CAPZB: variants seen among roughly 807,000 people sequenced by gnomAD.
The protein encoded by CAPZB is F-actin-capping protein subunit beta.
CAPZB carries 2 observed loss-of-function variants against 38.1 expected under a neutral mutation model. The ratio of observed to expected loss-of-function variants is 0.05; its 90% CI spans 0.02 to 0.17. CAPZB has a LOEUF of 0.17. Among genes scored for constraint, CAPZB ranks in the 10% least tolerant of loss-of-function variants. The pLI, the probability that CAPZB is intolerant of heterozygous loss-of-function variation, is 1.00. For synonymous variants in CAPZB, 107 were observed against 127.4 expected (o/e 0.84, Z 1.08); for missense variants, 161 against 334.2 (o/e 0.48, Z 4.04).
At chr1:19,466,566 G>A (rs758126342) in intron 1 of CAPZB, among the ~76,000 whole-genome samples, 1 of 152,138 alleles carries the variant, frequency 6.6e-6, no homozygotes, top group African/African-American at 2.4e-5. Context: ...AGGGACCCTG[G>A]TGCTCACATG....
At position 19,416,860 on chromosome 1, in the gene CAPZB, C is replaced by CAAAAAAAAAAAAAAAAA. The variant is rs59789230; in HGVS notation, c.93+2784_93+2800dup. ...TGGGTGACAGAGCAAGACCCTGTCT[C>CAAAAAAAAAAAAAAAAA]AAAAAAAAAAAAAAAAAAAAAAAAA... On this transcript the variant is annotated intron_variant, in intron 2 of 8. Transcript: ENST00000264202. Among the ~76,000 whole-genome samples the CAAAAAAAAAAAAAAAAA allele has an allele frequency of 2.3e-4, 16 of 69,440 alleles. 1 individual carries two copies. Among genetic ancestry groups the CAAAAAAAAAAAAAAAAA allele is most frequent in the African/African-American group, 8.9e-4 (15 of 16,802 alleles). The allele number at this position is 69,440 out of a possible 152,430, so 45.6% of individuals were successfully genotyped here.
intron 1 of CAPZB, among the ~76,000 whole-genome samples, chr1:19,465,441 T>G (rs931592663): frequency 7.2e-5 from 11 of 152,218 alleles, no homozygotes; most frequent in African/African-American, 2.7e-4. Flanking sequence ...ATTTCTGTTG[T>G]GTACAAATTA....
chr1:19,393,493 C>T (rs552432475), intron 2 of CAPZB, among the ~76,000 whole-genome samples: 3 of 152,370 alleles, frequency 2.0e-5, no homozygotes, highest in South Asian at 2.1e-4. Context: ...AACCCAGGCA[C>T]GGGGAAGCTG....
rs1198804929 is a variant in CAPZB at position 19,449,799 on chromosome 1, AAG to A, written c.4-30051_4-30050del. On this transcript the variant is annotated intron_variant, in intron 1 of 8. Coordinates refer to ENST00000264202, the MANE Select transcript of CAPZB (RefSeq NM_004930.5). ...AGTCTGTCTCAAAAAAAAAAAAAAA[AAG>A]AGAGAGACAGAGAGAAAGAAAGAAA... 1.2e-3 allele frequency among the ~76,000 whole-genome samples: 180 copies of A among 150,542 alleles called. 2 individuals carry two copies. Among genetic ancestry groups the A allele is most frequent in the Middle Eastern group, 6.8e-3 (2 of 294 alleles).
chr1:19,430,092 T>C (rs1192051221), intron 1 of CAPZB, among the ~76,000 whole-genome samples: 2 of 152,140 alleles, frequency 1.3e-5, no homozygotes, highest in Admixed American at 6.5e-5. Flanking sequence ...TATTTGAACC[T>C]TCTCCCTATT....
Position 19,448,855 on chromosome 1 carries a change from T to A in CAPZB, c.4-29105A>T, listed in dbSNP as rs1254853383. ...TCACCTTTCTAGGTTCTGGGTCACA[T>A]CTTCTGGGCTGGCCAAGGCCTGGGC... On this transcript the variant is annotated intron_variant, in intron 1 of 8. Coordinates refer to ENST00000264202, the MANE Select transcript of CAPZB (RefSeq NM_004930.5). 4 of 1,612,778 alleles carry A rather than the reference T, an allele frequency of 2.5e-6. No homozygotes were observed. The African/African-American group carries it at 4.0e-5, about 16-fold the overall frequency.
chr1:19,429,821 G>C (rs2100571104), intron 1 of CAPZB, among the ~76,000 whole-genome samples: 1 of 152,218 alleles, frequency 6.6e-6, no homozygotes, highest in East Asian at 1.9e-4. Context: ...ACCCACAAAG[G>C]AGGGCAGGCT....
intron 1 of CAPZB, among the ~76,000 whole-genome samples, chr1:19,420,988 T>C (rs1213528958): frequency 1.3e-5 from 2 of 152,040 alleles, no homozygotes; most frequent in African/African-American, 4.8e-5. Flanking sequence ...GTGAGAAAGG[T>C]GGGCCAGGTA....
chr1:19,341,098 G>A (rs2093925838), intron 8 of CAPZB, among the ~76,000 whole-genome samples: 1 of 152,224 alleles, frequency 6.6e-6, no homozygotes, highest in African/African-American at 2.4e-5. Context: ...CTCAGCAGGT[G>A]CCATAAGACA....
At chr1:19,355,622 C>T (rs939365727) in intron 6 of CAPZB, among the ~76,000 whole-genome samples, 1 of 152,204 alleles carries the variant, frequency 6.6e-6, no homozygotes, top group African/African-American at 2.4e-5. Context: ...TCACAGTGGA[C>T]AGTCAGGGAC....
intron 1 of CAPZB, among the ~76,000 whole-genome samples, chr1:19,479,081 G>A (rs2094618176): frequency 6.6e-6 from 1 of 152,076 alleles, no homozygotes. Context: ...ATGGTGGTAC[G>A]CACCTGTAGT....
At chr1:19,458,712 C>T (rs2094541044) in intron 1 of CAPZB, among the ~76,000 whole-genome samples, 1 of 152,200 alleles carries the variant, frequency 6.6e-6, no homozygotes, top group South Asian at 2.1e-4. Flanking sequence ...CTCTGCGCTA[C>T]CACCCCTCTT....
intron 1 of CAPZB, among the ~76,000 whole-genome samples, chr1:19,464,400 T>A (rs1451920227): frequency 6.7e-6 from 1 of 149,416 alleles, no homozygotes; most frequent in Admixed American, 6.7e-5. Flanking sequence ...CACGCCATTC[T>A]CCTGCCTCAG....
intron 1 of CAPZB, among the ~76,000 whole-genome samples, chr1:19,467,743 G>A (rs1000631273): frequency 2.6e-5 from 4 of 152,138 alleles, no homozygotes; most frequent in East Asian, 1.9e-4. Context: ...GAGGGCCCCC[G>A]AAAGCCTCCC....
rs570558887 is a variant in CAPZB at position 19,406,137 on chromosome 1, C to T, written c.93+13524G>A. On this transcript the variant is annotated intron_variant, in intron 2 of 8. Transcript: ENST00000264202. ...GATGTGGCAAAGGGCAACCGCAAAC[C>T]GTCTGATTAGTGAATAAGAAGTGTC... Among the ~76,000 whole-genome samples the T allele has an allele frequency of 2.6e-5, 4 of 152,348 alleles. No homozygotes were observed. In the South Asian group the frequency reaches 6.2e-4, roughly 24 times the overall value.
chr1:19,402,224 A>G (rs896481386), intron 2 of CAPZB, among the ~76,000 whole-genome samples: 1 of 152,208 alleles, frequency 6.6e-6, no homozygotes, highest in African/African-American at 2.4e-5. Flanking sequence ...AGAACACCTG[A>G]ATGGTCTGAT....
At chr1:19,447,439 T>C (rs1334059303) in intron 1 of CAPZB, among the ~76,000 whole-genome samples, 3 of 148,196 alleles carry the variant, frequency 2.0e-5, no homozygotes, top group Admixed American at 6.8e-5. Context: ...TTCACCATGT[T>C]GGCCAGGCTG....
chr1:19,408,057 A>T (rs1407500592), intron 2 of CAPZB, among the ~76,000 whole-genome samples: 3 of 152,168 alleles, frequency 2.0e-5, no homozygotes, highest in Non-Finnish European at 4.4e-5. Context: ...CAAGGCCTCA[A>T]TGGAGGGCCT....
chr1:19,429,956 T>C (rs1269778854), intron 1 of CAPZB, among the ~76,000 whole-genome samples: 1 of 152,180 alleles, frequency 6.6e-6, no homozygotes, highest in Non-Finnish European at 1.5e-5. Context: ...CATGTGTCCA[T>C]GGAAGATCAC....
Sources: allele counts gnomAD v4.1 joint callset (sites outside exome capture counted in the v4.1 genomes callset), GRCh38; gene constraint gnomAD v4.1.1; transcripts MANE v1.5; gene names NCBI Gene and HGNC (gene_info 2026-07-23, HGNC 2026-07-21).